The following CDH12 variants were observed in gnomAD, a reference collection of about 807,000 sequenced individuals.
CDH12 encodes the protein cadherin 12.
Under a neutral mutation model 74.1 loss-of-function variants are expected in CDH12, and 41 were observed. That is an observed-to-expected ratio of 0.55 (90% CI 0.43 to 0.72). The LOEUF is 0.72. Among genes scored for constraint, CDH12 ranks in the 30% least tolerant of loss-of-function variants. CDH12 has a pLI of 0.00. For missense variants in CDH12, 945 were observed against 977.2 expected (o/e 0.97, Z 0.44); for synonymous variants, 399 against 355.0 (o/e 1.12, Z -1.39).
intron 3 of CDH12, among the ~76,000 whole-genome samples, chr5:22,352,742 T>C (rs2150465811): frequency 6.6e-6 from 1 of 152,300 alleles, no homozygotes; most frequent in Non-Finnish European, 1.5e-5. Context: ...AATAGTTAAG[T>C]GATCTGCAGA....
intron 1 of CDH12, among the ~76,000 whole-genome samples, chr5:22,835,001 C>T (rs541640446): frequency 1.2e-4 from 19 of 152,088 alleles, no homozygotes; most frequent in African/African-American, 3.9e-4. Flanking sequence ...CAAATAAAAA[C>T]GCATGAAATG....
chr5:22,156,862 T>C (rs1174071214), intron 4 of CDH12, among the ~76,000 whole-genome samples: 2 of 152,180 alleles, frequency 1.3e-5, no homozygotes, highest in East Asian at 3.8e-4. Flanking sequence ...TTGATTAAAG[T>C]AGACAGTGAT....
chr5:22,188,919 G>A (rs950192489), intron 4 of CDH12, among the ~76,000 whole-genome samples: 5 of 152,120 alleles, frequency 3.3e-5, no homozygotes, highest in African/African-American at 4.8e-5. Context: ...CCATAATTGT[G>A]GAAAGCAATT....
chr5:22,346,049 T>C (rs139002910), intron 3 of CDH12, among the ~76,000 whole-genome samples: 227 of 145,986 alleles, frequency 1.6e-3, no homozygotes, highest in Admixed American at 6.0e-3. Context: ...GAGGTTGCAG[T>C]GAGCCGAAGT....
chr5:22,398,961 T>G (rs529092693), intron 3 of CDH12, among the ~76,000 whole-genome samples: 1 of 152,222 alleles, frequency 6.6e-6, no homozygotes, highest in South Asian at 2.1e-4. Flanking sequence ...TATGAAGGAC[T>G]GAGGTATGGG....
intron 3 of CDH12, among the ~76,000 whole-genome samples, chr5:22,241,831 A>G (rs1752762125): frequency 6.6e-6 from 1 of 152,070 alleles, no homozygotes; most frequent in African/African-American, 2.4e-5. Context: ...TAATAAGAAC[A>G]AATAATAGAA....
chr5:22,698,676 GATATATATATATATATATATAT>G (rs1193077466), intron 1 of CDH12, among the ~76,000 whole-genome samples: 23 of 30,990 alleles, frequency 7.4e-4, no homozygotes, highest in Non-Finnish European at 9.0e-4. Context: ...TCAATCCCCA[GATATATATATATATATATATAT>G]ATATATATAT....
At chr5:22,720,463 A>C (rs1477092118) in intron 1 of CDH12, among the ~76,000 whole-genome samples, 2 of 152,178 alleles carry the variant, frequency 1.3e-5, no homozygotes, top group Non-Finnish European at 2.9e-5. Flanking sequence ...TCTGTATAGC[A>C]GCGTGAAAAT....
chr5:22,632,467 T>G (rs915084259), intron 1 of CDH12, among the ~76,000 whole-genome samples: 3 of 152,104 alleles, frequency 2.0e-5, no homozygotes, highest in African/African-American at 7.2e-5. Flanking sequence ...TAAAGAGATA[T>G]GAATTATTTA....
chr5:21,934,560 T>C (rs1754986226), intron 6 of CDH12, among the ~76,000 whole-genome samples: 1 of 152,192 alleles, frequency 6.6e-6, no homozygotes, highest in Middle Eastern at 3.2e-3. Context: ...GTTAAAAATA[T>C]GAAAAAGTCA....
At chr5:22,231,063 G>A (rs2150374922) in intron 3 of CDH12, among the ~76,000 whole-genome samples, 1 of 152,244 alleles carries the variant, frequency 6.6e-6, no homozygotes. Flanking sequence ...CAATGATTCT[G>A]ATGACACTGG....
intron 1 of CDH12, among the ~76,000 whole-genome samples, chr5:22,654,899 G>A (rs1348106190): frequency 6.6e-6 from 1 of 152,108 alleles, no homozygotes; most frequent in African/African-American, 2.4e-5. Context: ...TCAACGTGCT[G>A]GGAATACAGG....
At chr5:21,981,440 T>A (rs1580062642) in intron 5 of CDH12, among the ~76,000 whole-genome samples, 1 of 152,226 alleles carries the variant, frequency 6.6e-6, no homozygotes, top group East Asian at 1.9e-4. Context: ...CAGCTTAATT[T>A]TTGATGCATT....
chr5:22,736,421 A>G (rs1744728644), intron 1 of CDH12, among the ~76,000 whole-genome samples: 3 of 151,758 alleles, frequency 2.0e-5, no homozygotes, highest in Non-Finnish European at 4.4e-5. Context: ...AGGTAATTGT[A>G]TTTAGTTTTG....
chr5:22,296,296 A>G (rs1484121239), intron 3 of CDH12, among the ~76,000 whole-genome samples: 1 of 152,048 alleles, frequency 6.6e-6, no homozygotes, highest in Non-Finnish European at 1.5e-5. Flanking sequence ...TAGAGAACCT[A>G]TGTTAGAGGA....
At chr5:21,778,575 A>C (rs1269152260) in intron 11 of CDH12, among the ~76,000 whole-genome samples, 2 of 149,592 alleles carry the variant, frequency 1.3e-5, no homozygotes, top group Non-Finnish European at 3.0e-5. Flanking sequence ...TCAGTCCTAA[A>C]TTTTTGCAAC....
chr5:22,628,352 A>G (rs1365162935), intron 1 of CDH12, among the ~76,000 whole-genome samples: 2 of 152,164 alleles, frequency 1.3e-5, no homozygotes, highest in Non-Finnish European at 2.9e-5. Context: ...ATCAGCTGCA[A>G]AACAATTCTC....
At chr5:22,025,609 GA>G (rs1738295414) in intron 5 of CDH12, among the ~76,000 whole-genome samples, 1 of 152,092 alleles carries the variant, frequency 6.6e-6, no homozygotes, top group African/African-American at 2.4e-5. Flanking sequence ...AGATAATGAT[GA>G]AGTTTGCTGC....
In CDH12 at chr5:21,802,224, C is replaced by G; in HGVS notation, c.1199G>C (p.Gly400Ala). 6.2e-7 allele frequency: 1 copy of G among 1,613,902 alleles called. No homozygotes were observed. The highest frequency in any genetic ancestry group is 8.5e-7 in the Non-Finnish European group (1 of 1,179,920). The part of the protein sequence containing the change: ...TMEVYEDTPV[G>A]TIIGAVTAQD... The stretch of plus-strand genomic sequence containing the variant: ...AGCAGTGACAGCGCCAATGATGGTC[C>G]CTACCGGAGTGTCTTCATAAACCTC... The change falls in exon 10 of 15, where the codon GGG becomes GCG. Residue 400 changes from glycine to alanine, a missense_variant. Gly to Ala is a moderately conservative substitution (Grantham distance 60). Coordinates refer to ENST00000382254, the MANE Select transcript of CDH12 (RefSeq NM_004061.5).
Sources: allele counts gnomAD v4.1 joint callset (sites outside exome capture counted in the v4.1 genomes callset), GRCh38; gene constraint gnomAD v4.1.1; transcripts MANE v1.5; gene names NCBI Gene and HGNC (gene_info 2026-07-23, HGNC 2026-07-21).